Variants in FILIP1 observed in about 807,000 individuals in gnomAD.
FILIP1 encodes the protein filamin A interacting protein 1.
FILIP1 carries 61 observed loss-of-function variants against 102.1 expected under a neutral mutation model. That is an observed-to-expected ratio of 0.60 (90% CI 0.49 to 0.74). The LOEUF (loss-of-function observed/expected upper bound fraction) is 0.74, where lower values mean the gene tolerates loss of function less well. Ranked by LOEUF, FILIP1 falls within the 30% of genes least tolerant of loss-of-function variation. The pLI is 0.00. For missense variants in FILIP1, 1,314 were observed against 1,441.2 expected (o/e 0.91, Z 1.43); for synonymous variants, 491 against 526.9 (o/e 0.93, Z 0.93).
intron 1 of FILIP1, among the ~76,000 whole-genome samples, chr6:75,448,391 A>G (rs1467481752): frequency 6.6e-6 from 1 of 152,188 alleles, no homozygotes; most frequent in Non-Finnish European, 1.5e-5. Context: ...CTTATGTGCT[A>G]TTACTGTAAA....
intron 2 of FILIP1, among the ~76,000 whole-genome samples, chr6:75,370,709 T>G (rs1180143802): frequency 6.6e-6 from 1 of 151,654 alleles, no homozygotes; most frequent in African/African-American, 2.4e-5. Flanking sequence ...CCCCAGTAGC[T>G]GGGATTACAG....
At chr6:75,370,971 G>A (rs990909968) in intron 2 of FILIP1, among the ~76,000 whole-genome samples, 1 of 152,050 alleles carries the variant, frequency 6.6e-6, no homozygotes, top group African/African-American at 2.4e-5. Context: ...ACAGGAAATG[G>A]ACTATCTTTA....
intron 3 of FILIP1, among the ~76,000 whole-genome samples, chr6:75,359,353 T>C (rs770964899): frequency 1.3e-4 from 20 of 151,988 alleles, no homozygotes; most frequent in Non-Finnish European, 2.4e-4. Flanking sequence ...TCAAGAAATG[T>C]TGGGATGTAG....
Position 75,313,852 on chromosome 6 carries a change from A to C in FILIP1, c.1980T>G (p.Tyr660Ter). ...EGDLMKTEDE[Y>*]DQLEQKFRTE... ...TTCTAAATTTCTGTTCCAGCTGATC[A>C]TACTCATCTTCTGTCTTCATCAAAT... Residue 660 changes from tyrosine (Y) to a stop codon, truncating the protein, a stop_gained, in exon 5 of 6, where the codon TAT becomes TAG. Coordinates refer to ENST00000237172, the MANE Select transcript of FILIP1 (RefSeq NM_015687.5). LOFTEE classifies it high-confidence loss of function. This position sits in a 1 kb window ranked among gnomAD's most constrained non-coding sequence, Gnocchi z 4.2. The C allele has an allele frequency of 6.2e-7, 1 of 1,614,122 alleles. No homozygotes were observed. The highest frequency in any genetic ancestry group is 8.5e-7 in the Non-Finnish European group (1 of 1,180,024).
intron 2 of FILIP1, chr6:75,367,708 T>C (rs1467920642): frequency 2.0e-5 from 3 of 152,182 alleles, no homozygotes; most frequent in African/African-American, 7.2e-5. Context: ...CTAATCAATA[T>C]ATTAATGAAG....
At chr6:75,457,148 T>C (rs1778864201) in intron 1 of FILIP1, among the ~76,000 whole-genome samples, 1 of 152,150 alleles carries the variant, frequency 6.6e-6, no homozygotes, top group Admixed American at 6.5e-5. Context: ...TTATGTTGAG[T>C]CTTCAAGCCC....
chr6:75,442,600 G>C lies in FILIP1; in HGVS notation c.-6-27622C>G, dbSNP rs527416320. Among the ~76,000 whole-genome samples the C allele has an allele frequency of 5.3e-4, 81 of 152,326 alleles. 1 individual carries two copies. The Middle Eastern group carries it at 0.017, about 32-fold the overall frequency. On this transcript the variant is annotated intron_variant, in intron 1 of 5. Coordinates refer to ENST00000237172, the MANE Select transcript of FILIP1 (RefSeq NM_015687.5). ...AACCCCGTCTCCACCAAAAAAATAC[G>C]AAAACCAGTCAGGTGTGGCAGCGCG...
rs548338953 is a variant in FILIP1 at position 75,428,319 on chromosome 6, A to C, written c.-6-13341T>G. 3.3e-5 allele frequency: 5 copies of C among 152,588 alleles called. No homozygotes were observed. In the East Asian group the frequency reaches 9.7e-4, roughly 29 times the overall value. 9.5% of individuals were successfully genotyped at this position (152,588 alleles called of 1,614,324 possible). A position where few individuals can be genotyped will look rare whatever the true frequency, so the allele number is the denominator to read the frequency against. On this transcript the variant is annotated intron_variant, in intron 1 of 5. Transcript: ENST00000237172. ...TACCAGCCTGCAGGGCTCCAGGAGC[A>C]TACTGCAAGTGGAAAAGCTCCCTCT...
At chr6:75,408,680 T>C (rs1413311649) in intron 2 of FILIP1, among the ~76,000 whole-genome samples, 4 of 152,222 alleles carry the variant, frequency 2.6e-5, no homozygotes. Flanking sequence ...AAAATTGGCA[T>C]GACAAGCCTG....
intron 1 of FILIP1, among the ~76,000 whole-genome samples, chr6:75,457,612 GTCTCTCTCTCTC>G (rs68150078): frequency 2.8e-5 from 4 of 142,732 alleles, no homozygotes; most frequent in South Asian, 2.3e-4. Flanking sequence ...TTCAAACAAA[GTCTCTCTCTCTC>G]TCTCTCTCTC....
At chr6:75,375,030 C>A (rs540367807) in intron 2 of FILIP1, among the ~76,000 whole-genome samples, 1 of 152,072 alleles carries the variant, frequency 6.6e-6, no homozygotes, top group East Asian at 1.9e-4. Flanking sequence ...TGGGAAAGAA[C>A]TCATCCCCAG....
chr6:75,456,585 T>G (rs2951919), intron 1 of FILIP1, among the ~76,000 whole-genome samples: 97,094 of 147,132 alleles, frequency 0.66, 32,741 homozygotes, highest in African/African-American at 0.77. Flanking sequence ...TTTTTGAGAC[T>G]GATCTTGCTC....
intron 2 of FILIP1, among the ~76,000 whole-genome samples, chr6:75,406,680 G>C (rs1006564636): frequency 1.8e-5 from 2 of 114,132 alleles, no homozygotes; most frequent in Non-Finnish European, 3.6e-5. Context: ...TTTTTTTTCA[G>C]ACGGAGTCTT....
At chr6:75,414,058 T>C (rs1322204892) in intron 2 of FILIP1, among the ~76,000 whole-genome samples, 1 of 149,702 alleles carries the variant, frequency 6.7e-6, no homozygotes, top group Admixed American at 6.8e-5. Flanking sequence ...AAAATACAGA[T>C]GATACCCACA....
At chr6:75,354,134 G>A (rs1206990557) in intron 3 of FILIP1, among the ~76,000 whole-genome samples, 4 of 152,172 alleles carry the variant, frequency 2.6e-5, no homozygotes, top group Admixed American at 2.0e-4. Context: ...ATACCTATGA[G>A]TGAAATATGG....
At chr6:75,374,140 C>A (rs1368141267) in intron 2 of FILIP1, among the ~76,000 whole-genome samples, 1 of 152,112 alleles carries the variant, frequency 6.6e-6, no homozygotes, top group Non-Finnish European at 1.5e-5. Flanking sequence ...TTCTATTTTA[C>A]ACACATTAGG....
chr6:75,441,671 A>C (rs1185858664), intron 1 of FILIP1, among the ~76,000 whole-genome samples: 5 of 115,724 alleles, frequency 4.3e-5, no homozygotes, highest in African/African-American at 1.1e-4. Flanking sequence ...TGACGCCCCC[A>C]CCTCCCTCCC....
chr6:75,323,105 A>AT (rs1467534515), intron 4 of FILIP1, among the ~76,000 whole-genome samples: 2 of 151,990 alleles, frequency 1.3e-5, no homozygotes, highest in Non-Finnish European at 1.5e-5. Flanking sequence ...TTCCTTTTTT[A>AT]TTTTTATTTT....
At chr6:75,341,563 G>A (rs948298587) in intron 4 of FILIP1, among the ~76,000 whole-genome samples, 8 of 151,892 alleles carry the variant, frequency 5.3e-5, no homozygotes, top group Non-Finnish European at 1.2e-4. Context: ...ACTTCTTTAT[G>A]TAGATCTTTC....
Sources: allele counts gnomAD v4.1 joint callset (sites outside exome capture counted in the v4.1 genomes callset), GRCh38; gene constraint gnomAD v4.1.1; non-coding constraint Gnocchi (gnomAD v3.1); transcripts MANE v1.5; gene names NCBI Gene and HGNC (gene_info 2026-07-23, HGNC 2026-07-21).